The following RBM46 variants were observed in gnomAD, a reference collection of about 807,000 sequenced individuals.
RBM46 encodes the protein probable RNA-binding protein 46.
A neutral mutation model predicts 43.3 loss-of-function variants in RBM46; 12 were observed. The observed-to-expected ratio is 0.28, with a 90% confidence interval of 0.18 to 0.45. RBM46 has a LOEUF of 0.45. Ranked by LOEUF, RBM46 falls within the 20% of genes least tolerant of loss-of-function variation. The probability of loss-of-function intolerance (pLI) is 1.00; values close to 1 mark genes in which losing one functional copy is unlikely to be tolerated. For synonymous variants in RBM46, 205 were observed against 207.6 expected, an observed-to-expected ratio of 0.99 and a Z score of 0.11; for missense variants, 412 against 639.1, an observed-to-expected ratio of 0.64 and a Z score of 3.83.
chr4:154,799,139 A>T lies in RBM46; in HGVS notation c.977A>T (p.Asn326Ile), dbSNP rs746423581. The change falls in exon 4 of 5, where the codon AAT (asparagine) becomes ATT (isoleucine). Residue 326 changes from asparagine to isoleucine, a missense_variant. By Grantham distance (149) the Asn-to-Ile change is moderately radical. Coordinates refer to ENST00000281722, the MANE Select transcript of RBM46 (RefSeq NM_144979.5). ...RQHLNGQISP[N>I]SENLIVFANK... is the part of the protein sequence containing the mutation. ...CATCTTAATGGTCAGATTAGTCCAA[A>T]TTCTGAAAATCTGATTGTGTTTGCT... The T allele has an allele frequency of 6.2e-7, 1 of 1,614,176 alleles. No homozygotes were observed. Among genetic ancestry groups the T allele is most frequent in the South Asian group, 1.1e-5 (1 of 91,072 alleles).
intron 1 of RBM46, among the ~76,000 whole-genome samples, chr4:154,795,618 A>C (rs1252453136): frequency 6.6e-6 from 1 of 151,962 alleles, no homozygotes; most frequent in Non-Finnish European, 1.5e-5. Flanking sequence ...TTTTAAACTT[A>C]TTTTTTAGAA....
At chr4:154,825,931 C>T (rs1187073407) in intron 4 of RBM46, among the ~76,000 whole-genome samples, 5 of 152,276 alleles carry the variant, frequency 3.3e-5, no homozygotes, top group Admixed American at 6.6e-5. Context: ...GTAGCCTGCT[C>T]TTCTAAATTG....
chr4:154,812,148 T>G (rs939142684), intron 4 of RBM46, among the ~76,000 whole-genome samples: 1 of 152,078 alleles, frequency 6.6e-6, no homozygotes, highest in Non-Finnish European at 1.5e-5. Flanking sequence ...GAAAAACTGG[T>G]TTTTGTCTAA....
rs1733877007 is a variant in RBM46, at chr4:154,788,116, T to A, written c.-12+6680T>A. The stretch of plus-strand genomic sequence containing the variant: ...TTGTCAGATGGTTAGATTGTAAAAA[T>A]TTTCTCCCATTCTGTAGGTTGCCTG... On this transcript the variant is annotated intron_variant, in intron 1 of 4. Coordinates refer to ENST00000281722, the MANE Select transcript of RBM46 (RefSeq NM_144979.5). Among the ~76,000 whole-genome samples the A allele has an allele frequency of 2.6e-5, 4 of 152,310 alleles. No homozygotes were observed. The South Asian group carries it at 8.3e-4, about 32-fold the overall frequency.
chr4:154,809,988 A>T (rs74545053), intron 4 of RBM46, among the ~76,000 whole-genome samples: 1 of 152,158 alleles, frequency 6.6e-6, no homozygotes, highest in African/African-American at 2.4e-5. Flanking sequence ...AATTACTAAC[A>T]TTTAAAAGTT....
chr4:154,796,474 T>G (rs1284780927), intron 1 of RBM46, among the ~76,000 whole-genome samples: 1 of 152,252 alleles, frequency 6.6e-6, no homozygotes, highest in African/African-American at 2.4e-5. Context: ...TTTTTCATTC[T>G]TTGTTGCTTT....
At chr4:154,790,260 G>A (rs1734015739) in intron 1 of RBM46, 1 of 152,136 alleles carries the variant, frequency 6.6e-6, no homozygotes, top group South Asian at 2.1e-4. Flanking sequence ...TAATTGTGAT[G>A]TTAGGGTGTC....
At chr4:154,796,975 A>C in intron 2 of RBM46, 72 bp downstream of exon 2, 1 of 1,298,864 alleles carries the variant, frequency 7.7e-7, no homozygotes. Context: ...GTATCCCCAC[A>C]AGTATTCCAA....
intron 1 of RBM46, among the ~76,000 whole-genome samples, chr4:154,788,561 C>T (rs567364154): frequency 1.3e-5 from 2 of 152,238 alleles, no homozygotes; most frequent in South Asian, 4.1e-4. Context: ...TGTTTTGGTA[C>T]CAGTACCATG....
In RBM46 at chr4:154,792,480, A is replaced by G. The variant is rs995794514; in HGVS notation, c.-11-4262A>G. 2.6e-5 allele frequency among the ~76,000 whole-genome samples: 4 copies of G among 152,178 alleles called. No homozygotes were observed. The South Asian group carries it at 6.2e-4, about 24-fold the overall frequency. On this transcript the variant is annotated intron_variant, in intron 1 of 4. Transcript: ENST00000281722. ...ATGTCTCTCCTTCCGTGTCTCATTC[A>G]TTGAATGAATAGTTATCATATGCCA...
chr4:154,818,387 C>T (rs563068740), intron 4 of RBM46, among the ~76,000 whole-genome samples: 128 of 152,252 alleles, frequency 8.4e-4, no homozygotes, highest in African/African-American at 2.9e-3. Flanking sequence ...CAGCCCTTTG[C>T]AGTAGTTATG....
intron 4 of RBM46, among the ~76,000 whole-genome samples, chr4:154,806,820 T>C (rs1734929611): frequency 6.6e-6 from 1 of 151,874 alleles, no homozygotes; most frequent in Non-Finnish European, 1.5e-5. Context: ...GGAAACTAAA[T>C]TTTCTTTTTG....
At chr4:154,804,054 T>G (rs971535874) in intron 4 of RBM46, among the ~76,000 whole-genome samples, 35 of 152,204 alleles carry the variant, frequency 2.3e-4, no homozygotes, top group African/African-American at 8.4e-4. Flanking sequence ...GGGATGTGCC[T>G]GCCTCTGCTT....
intron 4 of RBM46, among the ~76,000 whole-genome samples, chr4:154,804,823 T>TG (rs967599343): frequency 6.6e-6 from 1 of 151,484 alleles, no homozygotes; most frequent in Non-Finnish European, 1.5e-5. Flanking sequence ...TGTTTTTTTT[T>TG]TTTTTTTTTT....
chr4:154,790,979 T>G (rs79713515), intron 1 of RBM46, among the ~76,000 whole-genome samples: 5,231 of 152,312 alleles, frequency 0.034, 293 homozygotes, highest in African/African-American at 0.12. Context: ...AACACCATTG[T>G]GCTGTTTATC....
In RBM46 at chr4:154,828,324, G is replaced by A. The variant is rs1188560664; in HGVS notation, c.*257G>A. ...ACTACTATTCTTTTTAAACTTCTAGGATTTTCTTCTACTTTCTGAGTGGGC... is the reference window on the plus strand; with the variant it reads ...ACTACTATTCTTTTTAAACTTCTAGAATTTTCTTCTACTTTCTGAGTGGGC... On this transcript the variant is annotated 3_prime_UTR_variant, in exon 5 of 5. Transcript: ENST00000281722. 1.4e-5 allele frequency: 5 copies of A among 361,112 alleles called. No individual in the cohort carries two copies. The highest frequency in any genetic ancestry group is 2.1e-5 in the African/African-American group (1 of 46,674). 22.4% of individuals were successfully genotyped at this position (361,112 alleles called of 1,614,324 possible). A position where few individuals can be genotyped will look rare whatever the true frequency, so the allele number is the denominator to read the frequency against.
At chr4:154,786,053 A>C (rs1028235657) in intron 1 of RBM46, among the ~76,000 whole-genome samples, 4 of 152,204 alleles carry the variant, frequency 2.6e-5, no homozygotes, top group African/African-American at 7.2e-5. Flanking sequence ...ATTTTTTAAA[A>C]GACAAAAGAC....
intron 4 of RBM46, among the ~76,000 whole-genome samples, chr4:154,811,256 T>C (rs1735156958): frequency 1.3e-5 from 2 of 152,152 alleles, no homozygotes; most frequent in South Asian, 4.1e-4. Context: ...GCATAGCATA[T>C]AGGCAACACA....
At chr4:154,815,627 A>G (rs1026887965) in intron 4 of RBM46, among the ~76,000 whole-genome samples, 31 of 151,816 alleles carry the variant, frequency 2.0e-4, no homozygotes, top group African/African-American at 6.8e-4. Flanking sequence ...TTCTTGTTCA[A>G]GTCTTGCTCC....
Sources: gnomAD v4.1 joint callset for allele counts (sites outside exome capture counted in the v4.1 genomes callset) on GRCh38, gnomAD v4.1.1 for gene constraint, MANE v1.5 for transcripts, NCBI Gene and HGNC (gene_info 2026-07-23, HGNC 2026-07-21) for gene names.